The following ALDH4A1 variants were observed in gnomAD, a reference collection of about 807,000 sequenced individuals.
ALDH4A1 encodes the protein delta-1-pyrroline-5-carboxylate dehydrogenase, mitochondrial.
A neutral mutation model predicts 70.5 loss-of-function variants in ALDH4A1; 46 were observed. The observed-to-expected ratio is 0.65, with a 90% CI of 0.51 to 0.83. The LOEUF (loss-of-function observed/expected upper bound fraction) is 0.83. Ranked by LOEUF, ALDH4A1 falls within the 40% of genes least tolerant of loss-of-function variation. The pLI, the probability that ALDH4A1 is intolerant of heterozygous loss-of-function variation, is 0.00. For synonymous variants in ALDH4A1, 323 were observed against 324.3 expected (o/e 1.00, Z 0.04); for missense variants, 749 against 766.5 (o/e 0.98, Z 0.27).
At chr1:18,875,319 G>A (rs1434607391) in intron 13 of ALDH4A1, 63 bp downstream of exon 13, 1 of 1,612,018 alleles carries the variant, frequency 6.2e-7, no homozygotes, top group Non-Finnish European at 8.5e-7. Flanking sequence ...TCCAGGAGGT[G>A]GGGATGGGGA....
In ALDH4A1 at chr1:18,872,919, G is replaced by A. The variant is rs576534785; in HGVS notation, c.1618C>T (p.Arg540Cys). The A allele has an allele frequency of 2.0e-5, 33 of 1,614,064 alleles. No homozygotes were observed. Among genetic ancestry groups the A allele is most frequent in the African/African-American group, 1.5e-4 (11 of 75,046 alleles). Residue 540 changes from arginine (R) to cysteine (C), a missense_variant, in exon 15 of 15, where the codon CGC (arginine) becomes TGC (cysteine). Transcript: ENST00000375341. ...TTGATGACCTGCGGCGACGTCCAGC[G>A]CAGGATGTAGTGTGGGCCCCCTGGC... is the stretch of plus-strand genomic sequence containing the variant. ...DKPGGPHYIL[R>C]WTSPQVIKET...
Position 18,890,082 on chromosome 1 carries a change from G to A in ALDH4A1, c.86C>T (p.Ser29Phe), listed in dbSNP as rs1287013284. 6.2e-7 allele frequency: 1 copy of A among 1,612,694 alleles called. No individual in the cohort carries two copies. The highest frequency in any genetic ancestry group is 1.7e-5 in the Admixed American group (1 of 59,868). ...GACGGGCTCGTTGGCCACCTTCAGG[G>A]AGGAGGTGTGCTTCCACCGCAGGCT... Reference protein sequence around the residue: ...GAGLRWKHTSSLKVANEPVLA... With the variant: ...GAGLRWKHTSFLKVANEPVLA... Residue 29 changes from serine (S) to phenylalanine (F), a missense_variant, in exon 2 of 15, where the codon TCC becomes TTC. Ser to Phe is a radical substitution (Grantham distance 155). Transcript: ENST00000375341.
intron 14 of ALDH4A1, among the ~76,000 whole-genome samples, chr1:18,873,183 T>C (rs564517241): frequency 6.6e-6 from 1 of 152,144 alleles, no homozygotes; most frequent in African/African-American, 2.4e-5. Flanking sequence ...CACCCAGCCT[T>C]GCATCCTTGC....
At chr1:18,883,783 G>C (rs1022711733) in intron 5 of ALDH4A1, among the ~76,000 whole-genome samples, 1 of 152,216 alleles carries the variant, frequency 6.6e-6, no homozygotes, top group Non-Finnish European at 1.5e-5. Flanking sequence ...TTCAGGATCA[G>C]AGCCTTCCAG....
At chr1:18,899,306 A>C (rs1282848777) in intron 1 of ALDH4A1, among the ~76,000 whole-genome samples, 1 of 152,250 alleles carries the variant, frequency 6.6e-6, no homozygotes, top group Admixed American at 6.5e-5. Context: ...GTAGCCTGAG[A>C]AGAGTCCAAA....
chr1:18,879,244 G>A, intron 9 of ALDH4A1, 56 bp downstream of exon 9: 1 of 1,499,386 alleles, frequency 6.7e-7, no homozygotes. Context: ...CTTTCATAAT[G>A]GCCAGGGGAG....
At chr1:18,873,348 C>A (rs982891025) in intron 14 of ALDH4A1, among the ~76,000 whole-genome samples, 1 of 152,154 alleles carries the variant, frequency 6.6e-6, no homozygotes, top group African/African-American at 2.4e-5. Context: ...CTTGGAATTT[C>A]CAGAGTGATG....
In ALDH4A1 at chr1:18,877,553, T is replaced by A; in HGVS notation, c.1000A>T (p.Ser334Cys). The A allele has an allele frequency of 6.2e-7, 1 of 1,608,116 alleles. No homozygotes were observed. The highest frequency in any genetic ancestry group is 8.5e-7 in the Non-Finnish European group (1 of 1,177,600). Residue 334 changes from serine to cysteine, a missense_variant, in exon 10 of 15, where the codon AGC becomes TGC. By Grantham distance (112) the Ser-to-Cys change is moderately radical. Coordinates refer to ENST00000375341, the MANE Select transcript of ALDH4A1 (RefSeq NM_003748.4). The part of the protein sequence containing the change: ...HRSADVESVV[S>C]GTLRSAFEYG... ...TCGAAGGCTGAGCGGAGGGTCCCGCTCACCACGCTCTCCACGTCGGCCGAG... is the reference window on the plus strand; with the variant it reads ...TCGAAGGCTGAGCGGAGGGTCCCGCACACCACGCTCTCCACGTCGGCCGAG...
At chr1:18,875,565 C>T in intron 12 of ALDH4A1, 62 bp from the exon 13 acceptor site, 1 of 1,611,660 alleles carries the variant, frequency 6.2e-7, no homozygotes, top group Non-Finnish European at 8.5e-7. Context: ...CCTGAGCCCT[C>T]CCAGTGCCCC....
At chr1:18,897,730 T>C (rs572290121) in intron 1 of ALDH4A1, among the ~76,000 whole-genome samples, 17 of 152,316 alleles carry the variant, frequency 1.1e-4, no homozygotes, top group Admixed American at 9.2e-4. Context: ...ACTTACAGTA[T>C]GGCTGAAGCA....
chr1:18,890,842 A>C (rs1935407419), intron 1 of ALDH4A1: 1 of 985,398 alleles, frequency 1.0e-6, no homozygotes. Flanking sequence ...AGGGCAGCAC[A>C]TTCCAGAACA....
intron 7 of ALDH4A1, 47 bp from the exon 8 acceptor site, chr1:18,881,934 C>A: frequency 6.5e-7 from 1 of 1,548,404 alleles, no homozygotes; most frequent in Non-Finnish European, 8.8e-7. Context: ...CGCCACCAGC[C>A]CCCAACCCCC....
At chr1:18,877,667 C>G in intron 9 of ALDH4A1, 55 bp from the exon 10 acceptor site, 1 of 1,439,596 alleles carries the variant, frequency 6.9e-7, no homozygotes. Context: ...CCCGGTTGCC[C>G]AGGGGCCCAA....
intron 14 of ALDH4A1, among the ~76,000 whole-genome samples, chr1:18,873,307 C>T (rs778875091): frequency 7.2e-5 from 11 of 152,212 alleles, no homozygotes; most frequent in South Asian, 4.1e-4. Context: ...CTAGCCTTCA[C>T]CCCTGGTTCC....
intron 1 of ALDH4A1, among the ~76,000 whole-genome samples, chr1:18,897,458 G>A (rs908479487): frequency 2.6e-5 from 4 of 152,148 alleles, no homozygotes; most frequent in Non-Finnish European, 5.9e-5. Context: ...TAGGAGGATG[G>A]CTTGAGCCCA....
chr1:18,882,326 G>A (rs1287437383), intron 7 of ALDH4A1, among the ~76,000 whole-genome samples: 1 of 152,078 alleles, frequency 6.6e-6, no homozygotes, highest in Non-Finnish European at 1.5e-5. Flanking sequence ...GATGCATGAG[G>A]ACGTCCCCAT....
At chr1:18,893,867 G>A (rs923827034) in intron 1 of ALDH4A1, among the ~76,000 whole-genome samples, 1 of 152,092 alleles carries the variant, frequency 6.6e-6, no homozygotes, top group Non-Finnish European at 1.5e-5. Flanking sequence ...TCTTTCCTCC[G>A]CACCTTAAAA....
At position 18,872,810 on chromosome 1, in the gene ALDH4A1, G is replaced by A. The variant is rs2230710; in HGVS notation, c.*35C>T. The A allele has an allele frequency of 0.03, 47,535 of 1,572,528 alleles. 878 individuals are homozygous for A. The highest frequency in any genetic ancestry group is 0.051 in the South Asian group (4,556 of 89,970). On this transcript the variant is annotated 3_prime_UTR_variant, in exon 15 of 15. Transcript: ENST00000375341. Reference sequence around the variant, plus strand: ...GTGCAGTGAGGTCGGCCACCTGGACGGACAGACAGCTGGACGGTGGAGCCC... The same window carrying A: ...GTGCAGTGAGGTCGGCCACCTGGACAGACAGACAGCTGGACGGTGGAGCCC...
At chr1:18,889,508 TC>T in intron 2 of ALDH4A1, 54 bp from the exon 3 acceptor site, 4 of 1,473,044 alleles carry the variant, frequency 2.7e-6, no homozygotes, top group Non-Finnish European at 3.7e-6. Flanking sequence ...CTTCCTCCCA[TC>T]TAAAACCCTA....
Sources: gnomAD v4.1 joint callset for allele counts (sites outside exome capture counted in the v4.1 genomes callset) on GRCh38, gnomAD v4.1.1 for gene constraint, MANE v1.5 for transcripts, NCBI Gene and HGNC (gene_info 2026-07-23, HGNC 2026-07-21) for gene names.